The following SNTG1 variants were observed in gnomAD, a reference collection of about 807,000 sequenced individuals.
The protein encoded by SNTG1 is syntrophin gamma 1.
In SNTG1, 39 loss-of-function variants were observed where a neutral mutation model predicts 74.7. That is an observed-to-expected ratio of 0.52 (90% CI 0.40 to 0.68). The LOEUF (loss-of-function observed/expected upper bound fraction) is 0.68. Among genes scored for constraint, SNTG1 ranks in the 30% least tolerant of loss-of-function variants. The pLI, the probability that SNTG1 is intolerant of heterozygous loss-of-function variation, is 0.00. For synonymous variants in SNTG1, 254 were observed against 217.1 expected (o/e 1.17, Z -1.49); for missense variants, 685 against 609.5 (o/e 1.12, Z -1.30).
At chr8:50,519,789 C>G (rs890212197) in intron 9 of SNTG1, among the ~76,000 whole-genome samples, 2 of 151,952 alleles carry the variant, frequency 1.3e-5, no homozygotes, top group African/African-American at 4.8e-5. Context: ...AAGCACTGCT[C>G]AAGGAAATAA....
chr8:50,097,206 G>A (rs1409076169), intron 1 of SNTG1, among the ~76,000 whole-genome samples: 1 of 151,916 alleles, frequency 6.6e-6, no homozygotes, highest in East Asian at 1.9e-4. Flanking sequence ...TCCTGACCTC[G>A]TGATCCGCTT....
At chr8:50,618,668 C>A (rs552648346) in intron 13 of SNTG1, among the ~76,000 whole-genome samples, 1 of 152,272 alleles carries the variant, frequency 6.6e-6, no homozygotes, top group African/African-American at 2.4e-5. Flanking sequence ...TGCATCCTTG[C>A]CCATTAGGTC....
At chr8:50,196,385 G>T (rs1283670785) in intron 2 of SNTG1, among the ~76,000 whole-genome samples, 1 of 152,270 alleles carries the variant, frequency 6.6e-6, no homozygotes, top group African/African-American at 2.4e-5. Context: ...AATGCACAAT[G>T]AATAATCATG....
chr8:50,432,192 G>A (rs1273409434), intron 4 of SNTG1, among the ~76,000 whole-genome samples: 1 of 152,080 alleles, frequency 6.6e-6, no homozygotes, highest in African/African-American at 2.4e-5. Context: ...GTTAATTTTT[G>A]TGAAGAGCAT....
chr8:50,312,286 T>G (rs2090142951), intron 2 of SNTG1, among the ~76,000 whole-genome samples: 1 of 152,114 alleles, frequency 6.6e-6, no homozygotes, highest in East Asian at 1.9e-4. Context: ...TTCTGGTCAA[T>G]TCCCCGCTAG....
At chr8:50,724,717 A>C (rs1396188427) in intron 17 of SNTG1, among the ~76,000 whole-genome samples, 1 of 152,132 alleles carries the variant, frequency 6.6e-6, no homozygotes, top group African/African-American at 2.4e-5. Context: ...TCAGGTACAT[A>C]TGTTTTTTAA....
chr8:50,727,918 C>T (rs1267916539), intron 17 of SNTG1, among the ~76,000 whole-genome samples: 1 of 152,154 alleles, frequency 6.6e-6, no homozygotes, highest in African/African-American at 2.4e-5. Context: ...GGACAATTAT[C>T]CCTGCAGAAG....
chr8:50,601,152 C>CAAAAAAAAAAAAAAAAAAAAAAAAAAA (rs71235311), intron 13 of SNTG1, among the ~76,000 whole-genome samples: 2 of 31,438 alleles, frequency 6.4e-5, no homozygotes, highest in African/African-American at 2.0e-4. Flanking sequence ...GCCAGCGAGA[C>CAAAAAAAAAAAAAAAAAAAAAAAAAAA]AAAAAAAAAA....
chr8:50,677,408 A>G lies in SNTG1; in HGVS notation c.1038+18745A>G, dbSNP rs10429395. On this transcript the variant is annotated intron_variant, in intron 15 of 18. Transcript: ENST00000642720. ...TTTATATGGACACCCATAACATAAC[A>G]TATCCTTAATGTAAGAAAAAAGCTA... Among the ~76,000 whole-genome samples, 1,092 of 152,116 alleles carry G rather than the reference A, an allele frequency of 7.2e-3. 12 individuals are homozygous for G. The highest frequency in any genetic ancestry group is 0.038 in the South Asian group (185 of 4,828).
intron 1 of SNTG1, among the ~76,000 whole-genome samples, chr8:50,086,808 A>C (rs891819952): frequency 2.0e-5 from 3 of 152,204 alleles, no homozygotes; most frequent in Non-Finnish European, 1.5e-5. Flanking sequence ...TAAAAAGATT[A>C]TAAGCCTATT....
chr8:50,714,110 G>A lies in SNTG1; in HGVS notation c.1284+5132G>A, dbSNP rs183213035. ...GGAGGGAATCCTTTTCTTATTGCTTGTTTTTGTCAGATTTGTCAAAGATCA... is the reference window on the plus strand; with the variant it reads ...GGAGGGAATCCTTTTCTTATTGCTTATTTTTGTCAGATTTGTCAAAGATCA... On this transcript the variant is annotated intron_variant, in intron 17 of 18. Coordinates refer to ENST00000642720, the MANE Select transcript of SNTG1 (RefSeq NM_018967.5). Among the ~76,000 whole-genome samples the A allele has an allele frequency of 9.1e-4, 136 of 149,300 alleles. 2 individuals are homozygous for A. Among genetic ancestry groups the A allele is most frequent in the Middle Eastern group, 7.0e-3 (2 of 284 alleles).
intron 1 of SNTG1, among the ~76,000 whole-genome samples, chr8:49,943,024 G>A (rs1013617605): frequency 1.3e-5 from 2 of 152,136 alleles, no homozygotes; most frequent in African/African-American, 4.8e-5. Flanking sequence ...ACCATTTGAT[G>A]TTCAAATCTA....
intron 5 of SNTG1, among the ~76,000 whole-genome samples, chr8:50,446,658 C>T (rs149613630): frequency 5.0e-4 from 76 of 152,154 alleles, no homozygotes; most frequent in African/African-American, 1.7e-3. Flanking sequence ...AGCCTGTGAA[C>T]AGAGCGAGAC....
chr8:50,684,168 A>G (rs1179110670), intron 15 of SNTG1, among the ~76,000 whole-genome samples: 1 of 152,206 alleles, frequency 6.6e-6, no homozygotes, highest in Non-Finnish European at 1.5e-5. Flanking sequence ...CCCCACTTAC[A>G]TAAACAAGTA....
intron 16 of SNTG1, among the ~76,000 whole-genome samples, chr8:50,707,690 CT>C (rs960130536): frequency 7.1e-6 from 1 of 140,256 alleles, no homozygotes. Flanking sequence ...ACTTCTCTTC[CT>C]TTTTTTCTTC....
At chr8:50,690,077 G>C (rs528785116) in intron 15 of SNTG1, among the ~76,000 whole-genome samples, 1 of 152,272 alleles carries the variant, frequency 6.6e-6, no homozygotes, top group South Asian at 2.1e-4. Flanking sequence ...TTGTATTTCT[G>C]TGGGATCGGT....
chr8:50,187,897 A>G (rs1248264466), intron 2 of SNTG1, among the ~76,000 whole-genome samples: 1 of 152,166 alleles, frequency 6.6e-6, no homozygotes, highest in Non-Finnish European at 1.5e-5. Flanking sequence ...CTGATCACCC[A>G]GGAAGTGGTT....
At position 50,696,641 on chromosome 8, in the gene SNTG1, T is replaced by G. The variant is rs536062612; in HGVS notation, c.1039-7959T>G. The stretch of plus-strand genomic sequence containing the variant: ...GGTGATTGATAGGAGTCTGGTTTCA[T>G]TTTCTGCATATGGCCATCCAATTTT... On this transcript the variant is annotated intron_variant, in intron 15 of 18. Coordinates refer to ENST00000642720, the MANE Select transcript of SNTG1 (RefSeq NM_018967.5). Among the ~76,000 whole-genome samples the G allele has an allele frequency of 2.6e-5, 4 of 152,194 alleles. No homozygotes were observed. In the East Asian group the frequency reaches 7.7e-4, roughly 29 times the overall value.
chr8:50,203,212 A>C (rs2084059459), intron 2 of SNTG1, among the ~76,000 whole-genome samples: 1 of 152,098 alleles, frequency 6.6e-6, no homozygotes, highest in Non-Finnish European at 1.5e-5. Flanking sequence ...TTTCTGTTTC[A>C]GAGTTTTTCA....
Sources: gnomAD v4.1 joint callset for allele counts (sites outside exome capture counted in the v4.1 genomes callset) on GRCh38, gnomAD v4.1.1 for gene constraint, MANE v1.5 for transcripts, NCBI Gene and HGNC (gene_info 2026-07-23, HGNC 2026-07-21) for gene names.